PCDHA1: variants seen among roughly 807,000 people sequenced by gnomAD.
The protein encoded by PCDHA1 is protocadherin alpha-1.
PCDHA1 carries 42 observed loss-of-function variants against 61.3 expected under a neutral mutation model. The ratio of observed to expected loss-of-function variants is 0.69; its 90% CI spans 0.54 to 0.89. The LOEUF (loss-of-function observed/expected upper bound fraction) is 0.89. Among genes scored for constraint, PCDHA1 ranks in the 40% least tolerant of loss-of-function variants. The probability of loss-of-function intolerance (pLI) is 0.00; values close to 1 mark genes in which losing one functional copy is unlikely to be tolerated. For missense variants in PCDHA1, 1,256 were observed against 1,235.3 expected, an observed-to-expected ratio of 1.02 and a Z score of -0.25; for synonymous variants, 610 against 553.8, an observed-to-expected ratio of 1.10 and a Z score of -1.43.
At chr5:140,907,377 C>T (rs2073348359) in intron 1 of PCDHA1, among the ~76,000 whole-genome samples, 1 of 152,124 alleles carries the variant, frequency 6.6e-6, no homozygotes, top group Non-Finnish European at 1.5e-5. Context: ...AAAGTGAGTG[C>T]CTTGGTCAAA....
intron 1 of PCDHA1, chr5:140,870,783 C>A: frequency 6.2e-7 from 1 of 1,613,598 alleles, no homozygotes; most frequent in Non-Finnish European, 8.5e-7. Context: ...AGAACGACAA[C>A]GCGCCGGCAC....
chr5:140,834,137 A>G, intron 1 of PCDHA1: 1 of 496,492 alleles, frequency 2.0e-6, no homozygotes. Context: ...TCATCTGATT[A>G]ATAGTTTGTA....
chr5:140,916,819 C>T (rs2077741305), intron 1 of PCDHA1, among the ~76,000 whole-genome samples: 1 of 152,084 alleles, frequency 6.6e-6, no homozygotes, highest in Non-Finnish European at 1.5e-5. Context: ...CATGTGCCAC[C>T]CCTATCCCTC....
At chr5:140,852,683 T>C (rs2042437090) in intron 1 of PCDHA1, 5 of 971,736 alleles carry the variant, frequency 5.1e-6, no homozygotes, top group Non-Finnish European at 6.2e-6. Flanking sequence ...ACCTTGAATA[T>C]AGTCTTATAC....
At chr5:140,963,159 C>T (rs971538193) in intron 1 of PCDHA1, among the ~76,000 whole-genome samples, 14 of 151,752 alleles carry the variant, frequency 9.2e-5, no homozygotes, top group Non-Finnish European at 1.9e-4. Flanking sequence ...AAAAATGACA[C>T]ATGCCATCTT....
chr5:140,884,428 G>T, intron 1 of PCDHA1: 1 of 1,613,962 alleles, frequency 6.2e-7, no homozygotes, highest in East Asian at 2.2e-5. Flanking sequence ...TGTATACTGC[G>T]CTGCGGTGCT....
intron 3 of PCDHA1, among the ~76,000 whole-genome samples, chr5:141,008,228 T>C (rs2098365726): frequency 1.3e-5 from 2 of 152,210 alleles, no homozygotes; most frequent in African/African-American, 4.8e-5. Context: ...GTTAGAAAAT[T>C]ACTGCTCAGG....
chr5:140,876,970 G>C, intron 1 of PCDHA1: 1 of 1,612,850 alleles, frequency 6.2e-7, no homozygotes. Context: ...GCGGCGGGTG[G>C]GCGAGCACGC....
chr5:140,876,847 G>T, intron 1 of PCDHA1: 1 of 1,614,140 alleles, frequency 6.2e-7, no homozygotes, highest in Non-Finnish European at 8.5e-7. Context: ...CGCGCAGCCC[G>T]AGTACACAGT....
At chr5:140,964,629 T>C (rs1315614801) in intron 1 of PCDHA1, among the ~76,000 whole-genome samples, 1 of 152,028 alleles carries the variant, frequency 6.6e-6, no homozygotes, top group Non-Finnish European at 1.5e-5. Context: ...TTATAAGCCA[T>C]TTATTTTCAG....
intron 1 of PCDHA1, chr5:140,806,986 A>G: frequency 1.5e-6 from 1 of 654,800 alleles, no homozygotes; most frequent in Non-Finnish European, 2.6e-6. Context: ...GTTTGGAGCC[A>G]CATGATGTCG....
intron 1 of PCDHA1, chr5:140,805,272 T>C (rs2149983675): frequency 7.8e-7 from 1 of 1,287,730 alleles, no homozygotes; most frequent in Non-Finnish European, 9.8e-7. Flanking sequence ...AATGAAAATA[T>C]TACAAATGAA....
At chr5:140,941,095 A>C (rs2092727620) in intron 1 of PCDHA1, among the ~76,000 whole-genome samples, 1 of 152,062 alleles carries the variant, frequency 6.6e-6, no homozygotes, top group South Asian at 2.1e-4. Flanking sequence ...TAGTTTTCAC[A>C]TACTATTACT....
At chr5:140,828,123 A>T in intron 1 of PCDHA1, 2 of 1,613,042 alleles carry the variant, frequency 1.2e-6, no homozygotes. Flanking sequence ...AGATTGGGAA[A>T]GCAATGTCTG....
intron 3 of PCDHA1, among the ~76,000 whole-genome samples, chr5:141,000,680 T>C (rs953789526): frequency 1.3e-5 from 2 of 151,376 alleles, no homozygotes; most frequent in African/African-American, 2.4e-5. Flanking sequence ...CACCTGCCTC[T>C]GCCTCCCAAA....
rs1278190743 is a variant in PCDHA1, at chr5:140,891,784, G to C, written c.2395-87165G>C. 2.0e-5 allele frequency among the ~76,000 whole-genome samples: 3 copies of C among 152,152 alleles called. No homozygotes were observed. In the East Asian group the frequency reaches 5.8e-4, roughly 29 times the overall value. On this transcript the variant is annotated intron_variant, in intron 1 of 3. Coordinates refer to ENST00000504120, the MANE Select transcript of PCDHA1 (RefSeq NM_018900.4). ...GGTGGGGAATTTCAGGAAATGTTTA[G>C]ATTATGAGGGATCTGCCCTCATGAA...
intron 1 of PCDHA1, chr5:140,967,870 G>C (rs782622860): frequency 1.2e-6 from 2 of 1,614,152 alleles, no homozygotes; most frequent in Admixed American, 3.3e-5. Context: ...TGGTGCTCAC[G>C]GACCTGTATA....
rs374326542 is a variant in PCDHA1, at chr5:140,927,218, A to G, written c.2395-51731A>G. The G allele has an allele frequency of 2.5e-6, 4 of 1,613,972 alleles. No individual in the cohort carries two copies. The African/African-American group carries it at 5.3e-5, about 22-fold the overall frequency. On this transcript the variant is annotated intron_variant, in intron 1 of 3. Coordinates refer to ENST00000504120, the MANE Select transcript of PCDHA1 (RefSeq NM_018900.4). ...CTCGAGGACCCGCTGGAGCTGCACA[A>G]GATTCGGATTCACGTCCTGGACACC...
At chr5:140,818,942 C>T (rs913130699) in intron 1 of PCDHA1, among the ~76,000 whole-genome samples, 2 of 152,188 alleles carry the variant, frequency 1.3e-5, no homozygotes. Context: ...TTGACATGAA[C>T]ATTGATATTC....
Sources: allele counts gnomAD v4.1 joint callset (sites outside exome capture counted in the v4.1 genomes callset), GRCh38; gene constraint gnomAD v4.1.1; transcripts MANE v1.5; gene names NCBI Gene and HGNC (gene_info 2026-07-23, HGNC 2026-07-21).